Variants in FDXR observed in about 807,000 individuals in gnomAD.
The protein encoded by FDXR is ferredoxin reductase, also known as NADPH:adrenodoxin oxidoreductase, mitochondrial.
FDXR carries 38 observed loss-of-function variants against 58.3 expected under a neutral mutation model. That is an observed-to-expected ratio of 0.65 (90% CI 0.50 to 0.85). FDXR has a LOEUF of 0.85. FDXR is among the 40% of genes least tolerant of loss of function. The pLI is 0.00. For missense variants in FDXR, 624 were observed against 671.0 expected, an observed-to-expected ratio of 0.93 and a Z score of 0.77; for synonymous variants, 275 against 273.8, an observed-to-expected ratio of 1.00 and a Z score of -0.04.
chr17:74,864,777 GCC>G, intron 7 of FDXR, 45 bp downstream of exon 7: 1 of 1,612,054 alleles, frequency 6.2e-7, no homozygotes, highest in Non-Finnish European at 8.5e-7. Context: ...TTAAGGAGAG[GCC>G]CCCTCCACCT....
chr17:74,869,849 C>A, intron 2 of FDXR: 1 of 415,572 alleles, frequency 2.4e-6, no homozygotes, highest in Admixed American at 2.4e-5. Flanking sequence ...AATGGATTAA[C>A]ATGGATGGCC....
rs1269317587 is a variant in FDXR at position 74,866,432 on chromosome 17, C to T, written c.393+14G>A. The T allele has an allele frequency of 6.2e-7, 1 of 1,612,466 alleles. No homozygotes were observed. Among genetic ancestry groups the T allele is most frequent in the Admixed American group, 1.7e-5 (1 of 59,890 alleles). The stretch of plus-strand genomic sequence containing the variant: ...AGCCCCTGCCTCCCCAAGCCAGGGC[C>T]TAGCTGCACTCACCAGCACCACAGC... On this transcript the variant is annotated intron_variant, in intron 4 of 11. Transcript: ENST00000293195.
Position 74,864,868 on chromosome 17 carries a change from G to A in FDXR, c.673C>T (p.Leu225=), listed in dbSNP as rs950215562. The change falls in exon 7 of 12, where the codon CTA becomes TTA. Residue 225 remains leucine (L), a synonymous_variant. Coordinates refer to ENST00000293195, the MANE Select transcript of FDXR (RefSeq NM_024417.5). ...TGCAGGGGTCCACGCCGGCCCACTA[G>A]CCACACTGTCTTCACTCGACTCTGC... ...LRQSRVKTVW[L]VGRRGPLQVA... is the part of the protein sequence containing the mutation. 1 of 1,614,122 alleles carries A rather than the reference G, an allele frequency of 6.2e-7. No homozygotes were observed. Among genetic ancestry groups the A allele is most frequent in the Admixed American group, 1.7e-5 (1 of 60,026 alleles).
In FDXR at chr17:74,868,452, C is replaced by T; in HGVS notation, c.178-1576G>A. On this transcript the variant is annotated intron_variant, in intron 2 of 11. Coordinates refer to ENST00000293195, the MANE Select transcript of FDXR (RefSeq NM_024417.5). The stretch of plus-strand genomic sequence containing the variant: ...TCATTACTATTCTGTTGTTGTATGT[C>T]ACTGCCTTGCTCAAAAATCTTCGCT... The T allele has an allele frequency of 3.8e-6, 3 of 781,200 alleles. 1 individual carries two copies. Among genetic ancestry groups the T allele is most frequent in the Admixed American group, 4.0e-5 (2 of 50,090 alleles). The allele number at this position is 781,200 out of a possible 1,614,324, so 48.4% of individuals were successfully genotyped here.
intron 2 of FDXR, among the ~76,000 whole-genome samples, chr17:74,871,236 C>T (rs2038366388): frequency 1.3e-5 from 2 of 152,242 alleles, no homozygotes; most frequent in Non-Finnish European, 2.9e-5. Flanking sequence ...CAACTCATCC[C>T]AGTTTCCCAA....
chr17:74,869,031 T>C (rs1168518694), intron 2 of FDXR, among the ~76,000 whole-genome samples: 1 of 151,636 alleles, frequency 6.6e-6, no homozygotes, highest in Non-Finnish European at 1.5e-5. Flanking sequence ...AACCTGGGGC[T>C]CCTCCCTGAC....
In FDXR at chr17:74,862,607, C is replaced by T. The variant is rs2038000788; in HGVS notation, c.*210G>A. On this transcript the variant is annotated 3_prime_UTR_variant, in exon 12 of 12. Coordinates refer to ENST00000293195, the MANE Select transcript of FDXR (RefSeq NM_024417.5). Reference sequence around the variant, plus strand: ...AGATCGGCCCACACCTCCACCTGTCCCTAAGGTTACCTCAGTTGCTGAAAG... The same window carrying T: ...AGATCGGCCCACACCTCCACCTGTCTCTAAGGTTACCTCAGTTGCTGAAAG... The T allele has an allele frequency of 2.0e-5, 12 of 615,114 alleles. No homozygotes were observed. Among genetic ancestry groups the T allele is most frequent in the South Asian group, 1.9e-4 (8 of 42,894 alleles). 38.1% of individuals were successfully genotyped at this position (615,114 alleles called of 1,614,324 possible).
chr17:74,864,915 T>A lies in FDXR; in HGVS notation c.626A>T (p.Lys209Met). 1 of 1,614,140 alleles carries A rather than the reference T, an allele frequency of 6.2e-7. No individual in the cohort carries two copies. The highest frequency in any genetic ancestry group is 8.5e-7 in the Non-Finnish European group (1 of 1,180,006). ...CTGCCTCAGTACACCCAGGGCTGCC[T>A]TCGTGATGTCCGTTCTCTGGCACAA... The part of the protein sequence containing the change: ...PEHLERTDIT[K>M]AALGVLRQSR... Residue 209 changes from lysine (K) to methionine (M), a missense_variant, in exon 7 of 12, where the codon AAG becomes ATG. Coordinates refer to ENST00000293195, the MANE Select transcript of FDXR (RefSeq NM_024417.5).
intron 2 of FDXR, among the ~76,000 whole-genome samples, chr17:74,867,262 G>A (rs867838675): frequency 9.3e-5 from 13 of 139,338 alleles, no homozygotes; most frequent in Non-Finnish European, 1.9e-4. Context: ...AGCGAAGATC[G>A]CGCCATTGCA....
At chr17:74,868,357 C>A in intron 2 of FDXR, 1 of 655,104 alleles carries the variant, frequency 1.5e-6, no homozygotes, top group Admixed American at 2.2e-5. Flanking sequence ...GTGTCCTGCT[C>A]AAGGTTAAAT....
rs112568790 is a variant in FDXR at position 74,864,368 on chromosome 17, C to G, written c.803-21G>C. 2.7e-5 allele frequency: 43 copies of G among 1,586,732 alleles called. 2 individuals carry two copies. In the African/African-American group the frequency reaches 3.0e-4, roughly 11 times the overall value. On this transcript the variant is annotated intron_variant, in intron 8 of 11. Transcript: ENST00000293195. The stretch of plus-strand genomic sequence containing the variant: ...GACCTCTGTCAGCAACGTAGAATGT[C>G]TCCAGGCTGTCCCTGGGCCCCGGCC...
At chr17:74,863,834 G>A in intron 10 of FDXR, 62 bp downstream of exon 10, 1 of 1,560,410 alleles carries the variant, frequency 6.4e-7, no homozygotes, top group Non-Finnish European at 8.7e-7. Flanking sequence ...ATGGCCCCAG[G>A]AGATACCAGC....
In FDXR at chr17:74,865,010, G is replaced by T. The variant is rs1414977330; in HGVS notation, c.610-79C>A. On this transcript the variant is annotated intron_variant, in intron 6 of 11. Coordinates refer to ENST00000293195, the MANE Select transcript of FDXR (RefSeq NM_024417.5). The stretch of plus-strand genomic sequence containing the variant: ...CTCTCCATTTGGTCATGTCCCCACC[G>T]TGGGCCTGGAGAAGGCTGGCGGCTC... 43 of 1,599,386 alleles carry T rather than the reference G, an allele frequency of 2.7e-5. 1 individual carries two copies. The highest frequency in any genetic ancestry group is 4.3e-6 in the Non-Finnish European group (5 of 1,169,916).
Position 74,862,877 on chromosome 17 carries a change from C to G in FDXR, c.1416G>C (p.Thr472=), listed in dbSNP as rs140429107. The change falls in exon 12 of 12, where the codon ACG becomes ACC. Residue 472 remains threonine, a synonymous_variant. Transcript: ENST00000293195. ...CCACCAGCTTCTCCCTGGGCTTCCC[C>G]GTGCCCTGGCCCCGGGCCACCTCCT... is the stretch of plus-strand genomic sequence containing the variant. The part of the protein sequence containing the change: ...DAEEVARGQG[T]GKPREKLVDP... 6.2e-7 allele frequency: 1 copy of G among 1,613,228 alleles called. No homozygotes were observed. Among genetic ancestry groups the G allele is most frequent in the Admixed American group, 1.7e-5 (1 of 60,024 alleles).
intron 2 of FDXR, among the ~76,000 whole-genome samples, chr17:74,870,440 T>C (rs1398627539): frequency 5.2e-5 from 7 of 135,440 alleles, no homozygotes; most frequent in African/African-American, 2.0e-4. Context: ...TCGCTTGAAC[T>C]TGGGAGATGG....
intron 1 of FDXR, 63 bp downstream of exon 1, chr17:74,872,803 C>A (rs770198384): frequency 6.5e-7 from 1 of 1,540,628 alleles, no homozygotes; most frequent in South Asian, 1.2e-5. Flanking sequence ...TGCTCCGACC[C>A]CTACTCAGCG....
rs2038006864 is a variant in FDXR at position 74,862,717 on chromosome 17, C to T, written c.*100G>A. 2 of 1,451,320 alleles carry T rather than the reference C, an allele frequency of 1.4e-6. No homozygotes were observed. Among genetic ancestry groups the T allele is most frequent in the South Asian group, 2.8e-5 (2 of 72,550 alleles). 89.9% of individuals were successfully genotyped at this position (1,451,320 alleles called of 1,614,324 possible). On this transcript the variant is annotated 3_prime_UTR_variant, in exon 12 of 12. Coordinates refer to ENST00000293195, the MANE Select transcript of FDXR (RefSeq NM_024417.5). ...AGCCAAGCCTCCAAGCCAGGGCCGGCCGGGATCAGCAGAGGTGCAAAGTCC... is the reference window on the plus strand; with the variant it reads ...AGCCAAGCCTCCAAGCCAGGGCCGGTCGGGATCAGCAGAGGTGCAAAGTCC...
intron 1 of FDXR, 119 bp downstream of exon 1, chr17:74,872,747 G>A: frequency 6.5e-7 from 1 of 1,530,462 alleles, no homozygotes; most frequent in Non-Finnish European, 8.7e-7. Flanking sequence ...TCGCCAGCAG[G>A]AAGACACCCC....
intron 5 of FDXR, 65 bp from the exon 6 acceptor site, chr17:74,865,885 G>A (rs2038161836): frequency 1.6e-6 from 2 of 1,286,802 alleles, no homozygotes; most frequent in African/African-American, 2.9e-5. Context: ...TCAGTCTGCA[G>A]GTGCCTCATG....
Sources: allele counts gnomAD v4.1 joint callset (sites outside exome capture counted in the v4.1 genomes callset), GRCh38; gene constraint gnomAD v4.1.1; transcripts MANE v1.5; gene names NCBI Gene and HGNC (gene_info 2026-07-23, HGNC 2026-07-21).